Variants in DOK5 observed in about 807,000 individuals in gnomAD.
DOK5 encodes docking protein 5.
Under a neutral mutation model 43.3 loss-of-function variants are expected in DOK5, and 27 were observed. The observed-to-expected ratio is 0.62, with a 90% CI of 0.46 to 0.86. The LOEUF (loss-of-function observed/expected upper bound fraction) is 0.86. DOK5 is among the 40% of genes least tolerant of loss of function. DOK5 has a pLI of 0.00. For missense variants in DOK5, 373 were observed against 392.9 expected (o/e 0.95, Z 0.43); for synonymous variants, 146 against 140.1 (o/e 1.04, Z -0.30).
intron 6 of DOK5, among the ~76,000 whole-genome samples, chr20:54,611,454 A>C (rs1469317939): frequency 1.3e-5 from 2 of 152,082 alleles, no homozygotes; most frequent in Admixed American, 1.3e-4. Flanking sequence ...CCGGCTACTC[A>C]AGAGGCTGAG....
chr20:54,597,005 G>A (rs1986161953), intron 5 of DOK5, among the ~76,000 whole-genome samples: 4 of 152,200 alleles, frequency 2.6e-5, no homozygotes, highest in Non-Finnish European at 5.9e-5. Flanking sequence ...GTCAAGCACT[G>A]CACTTTACAC....
intron 1 of DOK5, among the ~76,000 whole-genome samples, chr20:54,553,250 C>T (rs1347179937): frequency 6.6e-6 from 1 of 152,170 alleles, no homozygotes. Context: ...GGCTGGAGTG[C>T]AGTGGCGCCA....
At chr20:54,479,503 G>A (rs895398362) in intron 1 of DOK5, among the ~76,000 whole-genome samples, 11 of 152,338 alleles carry the variant, frequency 7.2e-5, no homozygotes, top group African/African-American at 2.6e-4. Flanking sequence ...TGCTGAATGT[G>A]TGACTTAGAT....
At chr20:54,523,862 C>T (rs544924757) in intron 1 of DOK5, among the ~76,000 whole-genome samples, 6 of 152,192 alleles carry the variant, frequency 3.9e-5, no homozygotes, top group East Asian at 3.9e-4. Context: ...CTTGGCCTCC[C>T]GAAGTGCTGG....
At chr20:54,547,582 A>C (rs1984391091) in intron 1 of DOK5, among the ~76,000 whole-genome samples, 1 of 152,234 alleles carries the variant, frequency 6.6e-6, no homozygotes, top group Non-Finnish European at 1.5e-5. Context: ...AAAATGTTAG[A>C]GATTTTAAAC....
intron 1 of DOK5, among the ~76,000 whole-genome samples, chr20:54,478,920 G>A (rs1009662283): frequency 1.3e-5 from 2 of 151,990 alleles, no homozygotes; most frequent in Non-Finnish European, 2.9e-5. Flanking sequence ...GTGTACAAAG[G>A]CATAAATGTT....
intron 6 of DOK5, among the ~76,000 whole-genome samples, chr20:54,619,931 T>A (rs746370010): frequency 6.6e-6 from 1 of 152,200 alleles, no homozygotes; most frequent in Non-Finnish European, 1.5e-5. Context: ...GAGTTTTATG[T>A]GTGTAAACGC....
At chr20:54,576,562 T>C (rs2146753736) in intron 2 of DOK5, among the ~76,000 whole-genome samples, 1 of 152,352 alleles carries the variant, frequency 6.6e-6, no homozygotes, top group Non-Finnish European at 1.5e-5. Context: ...TATGTTCCTC[T>C]ATATGGTTAC....
At chr20:54,479,737 A>T (rs1473699150) in intron 1 of DOK5, among the ~76,000 whole-genome samples, 1 of 152,014 alleles carries the variant, frequency 6.6e-6, no homozygotes, top group Non-Finnish European at 1.5e-5. Context: ...CACTCATGTA[A>T]ATTCTCCTGT....
At chr20:54,500,392 GT>G (rs946088901) in intron 1 of DOK5, among the ~76,000 whole-genome samples, 1 of 151,930 alleles carries the variant, frequency 6.6e-6, no homozygotes, top group African/African-American at 2.4e-5. Context: ...TATTGTCATT[GT>G]TTTGCTGAAT....
At chr20:54,616,620 C>T (rs1287764485) in intron 6 of DOK5, among the ~76,000 whole-genome samples, 1 of 152,096 alleles carries the variant, frequency 6.6e-6, no homozygotes, top group Non-Finnish European at 1.5e-5. Context: ...ATTAAAACAA[C>T]ATCCATTTAT....
At chr20:54,592,275 G>T (rs1221231994) in intron 5 of DOK5, among the ~76,000 whole-genome samples, 1 of 152,104 alleles carries the variant, frequency 6.6e-6, no homozygotes, top group Non-Finnish European at 1.5e-5. Context: ...CATCTATTTG[G>T]CTTACAGTGT....
intron 1 of DOK5, among the ~76,000 whole-genome samples, chr20:54,507,591 G>A (rs965325204): frequency 6.6e-6 from 1 of 152,180 alleles, no homozygotes; most frequent in Non-Finnish European, 1.5e-5. Flanking sequence ...GCTGATGGTG[G>A]TTGTCACATT....
intron 2 of DOK5, among the ~76,000 whole-genome samples, chr20:54,577,570 G>A (rs948406976): frequency 1.3e-5 from 2 of 152,220 alleles, no homozygotes; most frequent in African/African-American, 4.8e-5. Context: ...GGATTTGAGA[G>A]AAAACTCTAT....
At chr20:54,545,128 C>T (rs112778152) in intron 1 of DOK5, among the ~76,000 whole-genome samples, 1 of 152,154 alleles carries the variant, frequency 6.6e-6, no homozygotes, top group African/African-American at 2.4e-5. Context: ...AGATTAAAGG[C>T]AAGATGAGGG....
intron 2 of DOK5, among the ~76,000 whole-genome samples, chr20:54,585,258 A>G (rs183631544): frequency 1.3e-3 from 201 of 152,106 alleles, no homozygotes; most frequent in African/African-American, 4.8e-3. Context: ...TGACCCATAA[A>G]ATTATGACCC....
chr20:54,511,732 G>A (rs955265294), intron 1 of DOK5, among the ~76,000 whole-genome samples: 5 of 152,154 alleles, frequency 3.3e-5, no homozygotes. Flanking sequence ...GACATTGATG[G>A]GACCTGATTC....
At chr20:54,604,878 G>A (rs1446121015) in intron 5 of DOK5, among the ~76,000 whole-genome samples, 2 of 151,920 alleles carry the variant, frequency 1.3e-5, no homozygotes, top group Non-Finnish European at 2.9e-5. Context: ...GCAGGTGCCT[G>A]TAATCCCAGC....
intron 2 of DOK5, among the ~76,000 whole-genome samples, chr20:54,562,509 C>A (rs932989158): frequency 3.3e-5 from 5 of 152,174 alleles, no homozygotes; most frequent in Non-Finnish European, 7.3e-5. Flanking sequence ...ACCTCTGCCT[C>A]CTGGGCTTAA....
Sources: allele counts gnomAD v4.1 joint callset (sites outside exome capture counted in the v4.1 genomes callset), GRCh38; gene constraint gnomAD v4.1.1; transcripts MANE v1.5; gene names NCBI Gene and HGNC (gene_info 2026-07-23, HGNC 2026-07-21).